FBXL7: variants seen among roughly 807,000 people sequenced by gnomAD.
FBXL7 encodes the protein F-box and leucine rich repeat protein 7.
A neutral mutation model predicts 38.3 loss-of-function variants in FBXL7; 12 were observed. The observed-to-expected ratio is 0.31, with a 90% CI of 0.20 to 0.51. The LOEUF (loss-of-function observed/expected upper bound fraction) is 0.51, where lower values mean the gene tolerates loss of function less well. Ranked by LOEUF, FBXL7 falls within the 20% of genes least tolerant of loss-of-function variation. The pLI is 0.98. For synonymous variants in FBXL7, 297 were observed against 300.9 expected (o/e 0.99, Z 0.13); for missense variants, 567 against 676.4 (o/e 0.84, Z 1.79).
chr5:15,892,608 TATATC>T (rs1378953320), intron 2 of FBXL7, among the ~76,000 whole-genome samples: 33 of 152,180 alleles, frequency 2.2e-4, no homozygotes, highest in African/African-American at 7.5e-4. Context: ...GAAAACGTAT[TATATC>T]ATATCCTCAT....
Position 15,562,502 on chromosome 5 carries a change from A to G in FBXL7, c.38-53481A>G, listed in dbSNP as rs116483337. On this transcript the variant is annotated intron_variant, in intron 1 of 3. Coordinates refer to ENST00000504595, the MANE Select transcript of FBXL7 (RefSeq NM_012304.5). ...AGAAAAATGGCCAACAGGTATATGA[A>G]AAGGTGCTCAATATCATGATGTATT... Among the ~76,000 whole-genome samples the G allele has an allele frequency of 3.6e-3, 550 of 152,268 alleles. 4 individuals carry two copies. Among genetic ancestry groups the G allele is most frequent in the African/African-American group, 0.013 (532 of 41,564 alleles).
At chr5:15,667,383 G>A (rs1403245059) in intron 2 of FBXL7, among the ~76,000 whole-genome samples, 1 of 152,104 alleles carries the variant, frequency 6.6e-6, no homozygotes, top group Non-Finnish European at 1.5e-5. Flanking sequence ...CTACCTGTGA[G>A]GCACTTCTTT....
intron 2 of FBXL7, among the ~76,000 whole-genome samples, chr5:15,854,233 C>G (rs1739187136): frequency 6.6e-6 from 1 of 152,110 alleles, no homozygotes; most frequent in Non-Finnish European, 1.5e-5. Flanking sequence ...ACAGTGGGTT[C>G]ATTTGGACAT....
At chr5:15,915,170 T>C (rs1741550116) in intron 2 of FBXL7, among the ~76,000 whole-genome samples, 1 of 152,192 alleles carries the variant, frequency 6.6e-6, no homozygotes, top group Non-Finnish European at 1.5e-5. Context: ...GTTCCCTGGG[T>C]AGTGTTCCGT....
intron 2 of FBXL7, among the ~76,000 whole-genome samples, chr5:15,660,985 T>C (rs1423077338): frequency 6.6e-6 from 1 of 152,194 alleles, no homozygotes; most frequent in Non-Finnish European, 1.5e-5. Context: ...TTGTCTAAGA[T>C]TGAGCATCTT....
intron 3 of FBXL7, among the ~76,000 whole-genome samples, chr5:15,930,838 A>C (rs1374805235): frequency 6.6e-6 from 1 of 152,190 alleles, no homozygotes; most frequent in Non-Finnish European, 1.5e-5. Flanking sequence ...TGTCATCAGC[A>C]CCTACTAAGG....
At chr5:15,864,922 A>AT (rs1739640206) in intron 2 of FBXL7, among the ~76,000 whole-genome samples, 1 of 152,218 alleles carries the variant, frequency 6.6e-6, no homozygotes, top group Non-Finnish European at 1.5e-5. Flanking sequence ...GCTGCTGCAG[A>AT]TAAAAAGGTC....
In FBXL7 at chr5:15,785,049, A is replaced by T. The variant is rs375361588; in HGVS notation, c.128-142841A>T. Among the ~76,000 whole-genome samples the T allele has an allele frequency of 8.5e-5, 13 of 152,310 alleles. No homozygotes were observed. The East Asian group carries it at 2.1e-3, about 25-fold the overall frequency. ...ATGAATCAGGTCTATACTGCAGCCT[A>T]GGGCATGATGAGCCAAACTTCTGTC... On this transcript the variant is annotated intron_variant, in intron 2 of 3. Transcript: ENST00000504595.
At chr5:15,833,580 A>G (rs1477690163) in intron 2 of FBXL7, among the ~76,000 whole-genome samples, 3 of 152,218 alleles carry the variant, frequency 2.0e-5, no homozygotes. Context: ...AACATGGAAC[A>G]AGACTCTCCT....
intron 2 of FBXL7, among the ~76,000 whole-genome samples, chr5:15,752,820 C>T (rs1367498438): frequency 6.6e-6 from 1 of 152,158 alleles, no homozygotes; most frequent in East Asian, 1.9e-4. Flanking sequence ...ATCTTAAATT[C>T]GTCAACCACA....
At chr5:15,837,801 G>A (rs1738632869) in intron 2 of FBXL7, among the ~76,000 whole-genome samples, 1 of 152,036 alleles carries the variant, frequency 6.6e-6, no homozygotes, top group African/African-American at 2.4e-5. Context: ...TGTGAGGTCT[G>A]CATCTGACAG....
chr5:15,702,307 C>T (rs1743551482), intron 2 of FBXL7, among the ~76,000 whole-genome samples: 1 of 150,954 alleles, frequency 6.6e-6, no homozygotes. Flanking sequence ...ATGGCTCATA[C>T]AGGAAGTATT....
At chr5:15,793,362 G>A (rs1737327005) in intron 2 of FBXL7, among the ~76,000 whole-genome samples, 1 of 152,192 alleles carries the variant, frequency 6.6e-6, no homozygotes, top group Admixed American at 6.5e-5. Context: ...GACTGCAGGA[G>A]TTCCTGGCTG....
rs145580662 is a variant in FBXL7 at position 15,679,885 on chromosome 5, A to G, written c.127+63813A>G. On this transcript the variant is annotated intron_variant, in intron 2 of 3. Coordinates refer to ENST00000504595, the MANE Select transcript of FBXL7 (RefSeq NM_012304.5). ...ATAATGATAACACTAAGACATGAGTAAAAAATAGACATTTGTACCATTTAT... is the reference window on the plus strand; with the variant it reads ...ATAATGATAACACTAAGACATGAGTGAAAAATAGACATTTGTACCATTTAT... Among the ~76,000 whole-genome samples, 371 of 152,336 alleles carry G rather than the reference A, an allele frequency of 2.4e-3. 1 individual carries two copies. The highest frequency in any genetic ancestry group is 7.3e-3 in the African/African-American group (305 of 41,578).
intron 2 of FBXL7, among the ~76,000 whole-genome samples, chr5:15,849,450 G>A (rs1739026308): frequency 6.6e-6 from 1 of 152,208 alleles, no homozygotes; most frequent in African/African-American, 2.4e-5. Flanking sequence ...CTTGATAGGA[G>A]ATAATTGAAT....
At chr5:15,831,130 C>T (rs1235822897) in intron 2 of FBXL7, among the ~76,000 whole-genome samples, 1 of 152,196 alleles carries the variant, frequency 6.6e-6, no homozygotes, top group East Asian at 1.9e-4. Context: ...ATCATTGTGA[C>T]TCTTGGGACT....
intron 2 of FBXL7, among the ~76,000 whole-genome samples, chr5:15,703,004 G>A (rs1033325623): frequency 7.5e-4 from 114 of 152,290 alleles, no homozygotes; most frequent in African/African-American, 2.5e-3. Flanking sequence ...AATTTCACAA[G>A]ATAACGTCAT....
At chr5:15,740,105 G>A (rs1005827809) in intron 2 of FBXL7, among the ~76,000 whole-genome samples, 2 of 152,146 alleles carry the variant, frequency 1.3e-5, no homozygotes, top group African/African-American at 4.8e-5. Context: ...GTATCTCACT[G>A]TGGTTTCTAA....
rs980126458 is a variant in FBXL7, at chr5:15,938,196, C to G, written c.*1010C>G. 2.0e-5 allele frequency: 3 copies of G among 152,206 alleles called. No individual in the cohort carries two copies. The highest frequency in any genetic ancestry group is 4.8e-5 in the African/African-American group (2 of 41,444). The allele number at this position is 152,206 out of a possible 1,614,324, so 9.4% of individuals were successfully genotyped here. On this transcript the variant is annotated 3_prime_UTR_variant, in exon 4 of 4. Coordinates refer to ENST00000504595, the MANE Select transcript of FBXL7 (RefSeq NM_012304.5). ...TCTGCATTCCCCCCTCCACACCATC[C>G]TAGCGAGGCACCAGCACACCTAATC... is the stretch of plus-strand genomic sequence containing the variant.
Sources: gnomAD v4.1 joint callset for allele counts (sites outside exome capture counted in the v4.1 genomes callset) on GRCh38, gnomAD v4.1.1 for gene constraint, MANE v1.5 for transcripts, NCBI Gene and HGNC (gene_info 2026-07-23, HGNC 2026-07-21) for gene names.